Variants in VIPR2 observed in about 807,000 individuals in gnomAD.
VIPR2 encodes the protein vasoactive intestinal polypeptide receptor 2.
In VIPR2, 48 loss-of-function variants were observed where a neutral mutation model predicts 58.0. The ratio of observed to expected loss-of-function variants is 0.83; its 90% confidence interval spans 0.66 to 1.05. The LOEUF is 1.05. VIPR2 is among the 50% of genes least tolerant of loss of function. VIPR2 has a pLI of 0.00. For missense variants in VIPR2, 534 were observed against 558.0 expected (o/e 0.96, Z 0.43); for synonymous variants, 243 against 235.2 (o/e 1.03, Z -0.30).
At chr7:159,129,898 G>T (rs113680246) in intron 2 of VIPR2, among the ~76,000 whole-genome samples, 16 of 78,684 alleles carry the variant, frequency 2.0e-4, no homozygotes, top group African/African-American at 8.8e-4. Flanking sequence ...TGGCCTCTGG[G>T]GGGGACAGGG....
At chr7:159,119,753 A>G (rs1796382923) in intron 2 of VIPR2, among the ~76,000 whole-genome samples, 1 of 152,202 alleles carries the variant, frequency 6.6e-6, no homozygotes. Flanking sequence ...GAAGGCCAAG[A>G]GGGCCCAGCC....
rs373564272 is a variant in VIPR2, at chr7:159,061,820, G to A, written c.358-3242C>T. 1.9e-4 allele frequency among the ~76,000 whole-genome samples: 29 copies of A among 152,330 alleles called. 1 individual carries two copies. In the South Asian group the frequency reaches 5.8e-3, roughly 30 times the overall value. On this transcript the variant is annotated intron_variant, in intron 4 of 12. Coordinates refer to ENST00000262178, the MANE Select transcript of VIPR2 (RefSeq NM_003382.5). ...CTCACGCTCAGCGGGAGGGCGAGCC[G>A]CGGCGGAGTACCGGGATCAAGCTCG... is the stretch of plus-strand genomic sequence containing the variant.
At chr7:159,110,041 C>G in intron 2 of VIPR2, 122 bp from the exon 3 acceptor site, 1 of 850,024 alleles carries the variant, frequency 1.2e-6, no homozygotes, top group East Asian at 2.6e-5. Context: ...TGCACCAACA[C>G]AATTATTGAG....
chr7:159,043,650 C>T (rs1317956537), intron 5 of VIPR2, among the ~76,000 whole-genome samples: 1 of 152,188 alleles, frequency 6.6e-6, no homozygotes, highest in African/African-American at 2.4e-5. Context: ...TTCCACCCCA[C>T]CCCAACATGG....
intron 2 of VIPR2, among the ~76,000 whole-genome samples, chr7:159,132,690 C>T (rs1451420387): frequency 1.2e-4 from 18 of 152,186 alleles, no homozygotes; most frequent in East Asian, 5.8e-4. Context: ...CATTCACGGA[C>T]GGGCTCATTC....
At chr7:159,068,817 G>C (rs1856233412) in intron 4 of VIPR2, among the ~76,000 whole-genome samples, 1 of 152,230 alleles carries the variant, frequency 6.6e-6, no homozygotes, top group African/African-American at 2.4e-5. Context: ...ATGGGGAGCA[G>C]AGTGGAATGG....
chr7:159,084,993 T>G (rs941983323), intron 4 of VIPR2, among the ~76,000 whole-genome samples: 1 of 152,214 alleles, frequency 6.6e-6, no homozygotes, highest in Non-Finnish European at 1.5e-5. Flanking sequence ...GTTTCAAGAT[T>G]CAGGATGAGA....
At chr7:159,110,599 T>C (rs1367274991) in intron 2 of VIPR2, among the ~76,000 whole-genome samples, 1 of 152,054 alleles carries the variant, frequency 6.6e-6, no homozygotes, top group Non-Finnish European at 1.5e-5. Flanking sequence ...ACTTTCCTAC[T>C]TGTCCATGGT....
At chr7:159,071,891 C>A (rs1188214496) in intron 4 of VIPR2, among the ~76,000 whole-genome samples, 3 of 149,986 alleles carry the variant, frequency 2.0e-5, no homozygotes, top group African/African-American at 7.4e-5. Flanking sequence ...TGGATGAAGG[C>A]ACGATGGTAC....
At position 159,098,980 on chromosome 7, in the gene VIPR2, C is replaced by T. The variant is rs1858041167; in HGVS notation, c.357+4777G>A. Among the ~76,000 whole-genome samples, 1 of 152,216 alleles carries T rather than the reference C, an allele frequency of 6.6e-6. No homozygotes were observed. Among genetic ancestry groups the T allele is most frequent in the Admixed American group, 6.5e-5 (1 of 15,290 alleles). On this transcript the variant is annotated intron_variant, in intron 4 of 12. Coordinates refer to ENST00000262178, the MANE Select transcript of VIPR2 (RefSeq NM_003382.5). The surrounding 1 kb of genome is among the most constrained non-coding windows in gnomAD (Gnocchi z 5.2). ...TGGGCAGAGCCGGCCCAGGACCGTG[C>T]ATGTCCACCCCGTGGCTGCCTGGGG...
At chr7:159,118,074 G>C (rs947735563) in intron 2 of VIPR2, among the ~76,000 whole-genome samples, 2 of 152,172 alleles carry the variant, frequency 1.3e-5, no homozygotes, top group Non-Finnish European at 2.9e-5. Flanking sequence ...AGAGGCCGGG[G>C]GCGTCCCAGT....
chr7:159,059,403 A>C, intron 4 of VIPR2: 1 of 462,832 alleles, frequency 2.2e-6, no homozygotes, highest in Non-Finnish European at 4.5e-6. Context: ...TATGTGATGA[A>C]TTTTATTTTT....
At chr7:159,137,325 T>C (rs561181118) in intron 2 of VIPR2, among the ~76,000 whole-genome samples, 3 of 152,084 alleles carry the variant, frequency 2.0e-5, no homozygotes, top group African/African-American at 4.8e-5. Flanking sequence ...AGGGTAAAAA[T>C]TAATTCAGTG....
At chr7:159,061,844 C>G (rs1189237854) in intron 4 of VIPR2, among the ~76,000 whole-genome samples, 1 of 152,074 alleles carries the variant, frequency 6.6e-6, no homozygotes, top group African/African-American at 2.4e-5. Context: ...GGATCAAGCT[C>G]GGTGCGCGGC....
chr7:159,134,032 G>C (rs1797096580), intron 2 of VIPR2, among the ~76,000 whole-genome samples: 1 of 152,156 alleles, frequency 6.6e-6, no homozygotes, highest in Non-Finnish European at 1.5e-5. Flanking sequence ...TTGAAAACTT[G>C]AAACTCTGAA....
At chr7:159,082,831 C>G (rs1355630694) in intron 4 of VIPR2, among the ~76,000 whole-genome samples, 1 of 152,194 alleles carries the variant, frequency 6.6e-6, no homozygotes, top group Non-Finnish European at 1.5e-5. Context: ...GACCTGCTCC[C>G]AGATGGACAG....
chr7:159,113,792 A>G (rs1796133480), intron 2 of VIPR2, among the ~76,000 whole-genome samples: 1 of 152,232 alleles, frequency 6.6e-6, no homozygotes, highest in Admixed American at 6.5e-5. Flanking sequence ...GGTGGTGGGA[A>G]TGGCACAGGA....
At chr7:159,085,496 A>G (rs1416503016) in intron 4 of VIPR2, among the ~76,000 whole-genome samples, 1 of 152,086 alleles carries the variant, frequency 6.6e-6, no homozygotes, top group African/African-American at 2.4e-5. Flanking sequence ...GGGTTGCACC[A>G]TGTTGGTCAG....
At chr7:159,090,671 G>C (rs540169345) in intron 4 of VIPR2, among the ~76,000 whole-genome samples, 14 of 128,978 alleles carry the variant, frequency 1.1e-4, no homozygotes, top group Admixed American at 3.9e-4. Context: ...CCTCAGCAGA[G>C]ACACACTGGG....
Sources: allele counts gnomAD v4.1 joint callset (sites outside exome capture counted in the v4.1 genomes callset), GRCh38; gene constraint gnomAD v4.1.1; non-coding constraint Gnocchi (gnomAD v3.1); transcripts MANE v1.5; gene names NCBI Gene and HGNC (gene_info 2026-07-23, HGNC 2026-07-21).